EEF1AKMT2: variants seen among roughly 807,000 people sequenced by gnomAD.
EEF1AKMT2 encodes the protein eukaryotic translation elongation factor 1 alpha lysine methyltransferase 2.
A neutral mutation model predicts 35.8 loss-of-function variants in EEF1AKMT2; 32 were observed. That is an observed-to-expected ratio of 0.89 (90% CI 0.67 to 1.20). EEF1AKMT2 has a LOEUF of 1.20. EEF1AKMT2 is among the 50% of genes most tolerant of loss of function. The probability of loss-of-function intolerance (pLI) is 0.00; values close to 1 mark genes in which losing one functional copy is unlikely to be tolerated. For missense variants in EEF1AKMT2, 330 were observed against 347.5 expected (o/e 0.95, Z 0.40); for synonymous variants, 121 against 133.7 (o/e 0.91, Z 0.65).
At chr10:124,776,979 A>G (rs537357832) in intron 3 of EEF1AKMT2, among the ~76,000 whole-genome samples, 3 of 152,172 alleles carry the variant, frequency 2.0e-5, no homozygotes, top group East Asian at 1.9e-4. Context: ...ACAGGAAAGA[A>G]TATCAAAGAC....
chr10:124,768,553 T>C (rs530418980), intron 4 of EEF1AKMT2, among the ~76,000 whole-genome samples: 2 of 152,266 alleles, frequency 1.3e-5, no homozygotes, highest in South Asian at 4.1e-4. Context: ...AAGGCCAGCC[T>C]GAGCGACGTG....
At chr10:124,756,844 C>A (rs1205949757), downstream of EEF1AKMT2, among the ~76,000 whole-genome samples, 1 of 152,128 alleles carries the variant, frequency 6.6e-6, no homozygotes, top group Non-Finnish European at 1.5e-5. Flanking sequence ...AGGAATCCAT[C>A]AATTGACCAA....
At chr10:124,785,118 G>A (rs1209106041) in intron 3 of EEF1AKMT2, among the ~76,000 whole-genome samples, 11 of 150,404 alleles carry the variant, frequency 7.3e-5, no homozygotes, top group African/African-American at 2.0e-4. Flanking sequence ...GTGGTGTTGC[G>A]CTCCTGTAGC....
rs1483690116 is a variant in EEF1AKMT2, at chr10:124,784,946, AAG to A, written c.291+4095_291+4096del. Among the ~76,000 whole-genome samples the A allele has an allele frequency of 2.4e-3, 353 of 149,244 alleles. 3 individuals are homozygous for A. Among genetic ancestry groups the A allele is most frequent in the African/African-American group, 8.1e-3 (324 of 39,972 alleles). The stretch of plus-strand genomic sequence containing the variant: ...ATTCCATCTTAAAAAAAAAAAAAAA[AAG>A]GTCTAAATGTAAAAGGTAGGCTGGG... On this transcript the variant is annotated intron_variant, in intron 3 of 6. Transcript: ENST00000368836.
chr10:124,791,801 A>T lies in EEF1AKMT2; in HGVS notation c.33T>A (p.Ala11=), dbSNP rs747329628. 12 of 1,589,184 alleles carry T rather than the reference A, an allele frequency of 7.6e-6. No individual in the cohort carries two copies. In the Admixed American group the frequency reaches 2.0e-4, roughly 27 times the overall value. MSSGADGGGG[A]AVAARSDKGS... is the part of the protein sequence containing the mutation. ...CCTTGTCCGACCGCGCCGCCACCGC[A>T]GCGCCACCGCCGCCGTCAGCGCCCG... is the stretch of plus-strand genomic sequence containing the variant. Residue 11 remains alanine, a synonymous_variant, in exon 1 of 7, where the codon GCT becomes GCA. Transcript: ENST00000368836.
chr10:124,762,175 G>T, intron 6 of EEF1AKMT2, 125 bp downstream of exon 6: 2 of 711,614 alleles, frequency 2.8e-6, no homozygotes, highest in Admixed American at 5.0e-5. Context: ...GCCACCCCAC[G>T]CCATCAAATT....
intron 3 of EEF1AKMT2, among the ~76,000 whole-genome samples, chr10:124,787,758 G>T (rs1166981621): frequency 6.6e-6 from 1 of 151,664 alleles, no homozygotes; most frequent in Non-Finnish European, 1.5e-5. Context: ...AGGAAGAAAG[G>T]AGTAATAATT....
rs780296177 is a variant in EEF1AKMT2 at position 124,784,602 on chromosome 10, GA to G, written c.291+4440del. Among the ~76,000 whole-genome samples the G allele has an allele frequency of 9.4e-4, 131 of 139,256 alleles. 3 individuals carry two copies. The South Asian group carries it at 0.022, about 24-fold the overall frequency. The allele number at this position is 139,256 out of a possible 152,430, so 91.4% of individuals were successfully genotyped here. On this transcript the variant is annotated intron_variant, in intron 3 of 6. Transcript: ENST00000368836. ...AAAAGGAACAAAGTAAAATCAGGAA[GA>G]AAAAAAAAAAGAACAGAACTCAATG...
intron 4 of EEF1AKMT2, among the ~76,000 whole-genome samples, chr10:124,767,523 A>AAAAAAG (rs1950390090): frequency 6.6e-6 from 1 of 151,536 alleles, no homozygotes; most frequent in African/African-American, 2.4e-5. Context: ...AAAAAAAAAA[A>AAAAAAG]AAAAGAAAAG....
At chr10:124,764,936 C>CT (rs1950365520) in intron 5 of EEF1AKMT2, among the ~76,000 whole-genome samples, 1 of 152,174 alleles carries the variant, frequency 6.6e-6, no homozygotes, top group African/African-American at 2.4e-5. Context: ...GTGTCTCACT[C>CT]TGTCACCCAG....
intron 6 of EEF1AKMT2, among the ~76,000 whole-genome samples, chr10:124,761,701 A>G (rs183079335): frequency 3.3e-5 from 5 of 152,324 alleles, no homozygotes; most frequent in Non-Finnish European, 7.4e-5. Context: ...TGCACTTTCT[A>G]TCACTTAAGG....
At chr10:124,771,298 A>G (rs1950432400) in intron 4 of EEF1AKMT2, among the ~76,000 whole-genome samples, 1 of 151,550 alleles carries the variant, frequency 6.6e-6, no homozygotes, top group Non-Finnish European at 1.5e-5. Context: ...ATGGGGTTTC[A>G]CCATGTTAGC....
chr10:124,762,337 G>T lies in EEF1AKMT2; in HGVS notation c.838C>A (p.Leu280Met). ...SDSPTWPPKV[L>M]GLYHARPSLA... ...GAGGGCCTGGCATGGTATAATCCCA[G>T]CACTTTGGGAGGCCAGGTGGGAGAA... Residue 280 changes from leucine (L) to methionine (M), a missense_variant, in exon 6 of 7, where the codon CTG becomes ATG. By Grantham distance (15) the Leu-to-Met change is conservative. Transcript: ENST00000368836. The T allele has an allele frequency of 8.1e-7, 1 of 1,239,416 alleles. No homozygotes were observed. The highest frequency in any genetic ancestry group is 1.4e-5 in the South Asian group (1 of 71,462). The allele number at this position is 1,239,416 out of a possible 1,614,324, so 76.8% of individuals were successfully genotyped here.
At chr10:124,783,213 T>A (rs1249655386) in intron 3 of EEF1AKMT2, among the ~76,000 whole-genome samples, 1 of 142,418 alleles carries the variant, frequency 7.0e-6, no homozygotes, top group East Asian at 2.2e-4. Flanking sequence ...CCATCTCGGC[T>A]CACTGCAACC....
intron 4 of EEF1AKMT2, among the ~76,000 whole-genome samples, chr10:124,771,140 C>T (rs1294379513): frequency 6.6e-6 from 1 of 151,640 alleles, no homozygotes; most frequent in African/African-American, 2.4e-5. Context: ...TGCTCTGTCG[C>T]CCAGGCTGGA....
chr10:124,757,017 G>A (rs1220872510), downstream of EEF1AKMT2, among the ~76,000 whole-genome samples: 1 of 152,058 alleles, frequency 6.6e-6, no homozygotes. Flanking sequence ...AGAAATGTAA[G>A]GATTTCCTAA....
At chr10:124,782,873 CG>C (rs1011218889) in intron 3 of EEF1AKMT2, 2 of 283,988 alleles carry the variant, frequency 7.0e-6, no homozygotes, top group Admixed American at 9.0e-5. Context: ...TAAATCCAAA[CG>C]TATCAATAAT....
At chr10:124,783,649 T>C (rs926517457) in intron 3 of EEF1AKMT2, among the ~76,000 whole-genome samples, 1 of 151,964 alleles carries the variant, frequency 6.6e-6, no homozygotes, top group Non-Finnish European at 1.5e-5. Flanking sequence ...CATATGAATT[T>C]TCCTTTGTTT....
At chr10:124,761,871 G>A (rs1971264) in intron 6 of EEF1AKMT2, among the ~76,000 whole-genome samples, 5,855 of 152,248 alleles carry the variant, frequency 0.038, 152 homozygotes, top group South Asian at 0.099. Context: ...GTGGTAAGCC[G>A]AGATTATCCC....
Sources: gnomAD v4.1 joint callset for allele counts (sites outside exome capture counted in the v4.1 genomes callset) on GRCh38, gnomAD v4.1.1 for gene constraint, MANE v1.5 for transcripts, NCBI Gene and HGNC (gene_info 2026-07-23, HGNC 2026-07-21) for gene names.